Variants in PLA2G4C observed in about 807,000 individuals in gnomAD.
PLA2G4C encodes cytosolic phospholipase A2 gamma.
Under a neutral mutation model 73.8 loss-of-function variants are expected in PLA2G4C, and 64 were observed. The ratio of observed to expected loss-of-function variants is 0.87; its 90% confidence interval spans 0.71 to 1.07. PLA2G4C has a LOEUF of 1.07. PLA2G4C is among the 50% of genes least tolerant of loss of function. PLA2G4C has a pLI of 0.00. For synonymous variants in PLA2G4C, 254 were observed against 252.1 expected, an observed-to-expected ratio of 1.01 and a Z score of -0.07; for missense variants, 622 against 665.4, an observed-to-expected ratio of 0.93 and a Z score of 0.72.
intron 10 of PLA2G4C, among the ~76,000 whole-genome samples, chr19:48,078,915 G>A (rs1600205484): frequency 6.8e-6 from 1 of 147,760 alleles, no homozygotes; most frequent in East Asian, 2.0e-4. Context: ...TGTTGCCCAG[G>A]CTGGAGTGCA....
intron 12 of PLA2G4C, among the ~76,000 whole-genome samples, chr19:48,068,237 A>G (rs1039918096): frequency 7.4e-5 from 11 of 147,696 alleles, no homozygotes; most frequent in Non-Finnish European, 1.5e-4. Context: ...CCTGGGAGGC[A>G]GAGGCTGAAG....
intron 14 of PLA2G4C, among the ~76,000 whole-genome samples, chr19:48,055,274 G>A (rs1967894987): frequency 6.6e-6 from 1 of 151,684 alleles, no homozygotes; most frequent in African/African-American, 2.4e-5. Flanking sequence ...CGAGGTTAGA[G>A]AGTAACCTTT....
At chr19:48,055,308 G>A (rs181825621) in intron 14 of PLA2G4C, among the ~76,000 whole-genome samples, 17 of 151,352 alleles carry the variant, frequency 1.1e-4, no homozygotes, top group Admixed American at 1.1e-3. Flanking sequence ...GCGGGACTCA[G>A]AGGGCAAGGA....
chr19:48,107,811 T>A (rs1262405671), intron 1 of PLA2G4C, among the ~76,000 whole-genome samples: 1 of 152,218 alleles, frequency 6.6e-6, no homozygotes, highest in African/African-American at 2.4e-5. Context: ...AGTAGCAGAA[T>A]TAGTGAAAGT....
chr19:48,088,728 A>G lies in PLA2G4C; in HGVS notation c.764-16T>C. 6.3e-7 allele frequency: 1 copy of G among 1,588,286 alleles called. No individual in the cohort carries two copies. The highest frequency in any genetic ancestry group is 1.1e-5 in the South Asian group (1 of 90,564). On this transcript the variant is annotated splice_polypyrimidine_tract_variant and intron_variant, in intron 8 of 16. Transcript: ENST00000599921. ...CTTAACTGGTCTGCAAAAGAGTAGA[A>G]GCAGGAGGAATGTTTATCTGTACAA...
chr19:48,057,334 C>T (rs771812352), intron 14 of PLA2G4C, among the ~76,000 whole-genome samples: 2 of 151,816 alleles, frequency 1.3e-5, no homozygotes, highest in African/African-American at 2.4e-5. Context: ...GGAGTAATGT[C>T]TTATCCTTTT....
chr19:48,064,039 C>T (rs1171330478), intron 13 of PLA2G4C: 1 of 152,122 alleles, frequency 6.6e-6, no homozygotes, highest in African/African-American at 2.4e-5. Context: ...CAACCACCTC[C>T]TCCTTTTGTT....
chr19:48,057,477 CTTCTTCTTT>C (rs1967990879), intron 14 of PLA2G4C, among the ~76,000 whole-genome samples: 1 of 16,852 alleles, frequency 5.9e-5, no homozygotes, highest in African/African-American at 1.7e-4. Context: ...TCTTCTTCTT[CTTCTTCTTT>C]TTTTTTTTTT....
At chr19:48,108,429 C>A (rs963172268) in intron 1 of PLA2G4C, among the ~76,000 whole-genome samples, 2 of 152,162 alleles carry the variant, frequency 1.3e-5, no homozygotes, top group African/African-American at 2.4e-5. Flanking sequence ...AGCTACCACA[C>A]CCCACTAAAA....
intron 4 of PLA2G4C, chr19:48,104,306 C>A: frequency 2.9e-6 from 1 of 349,846 alleles, no homozygotes; most frequent in Non-Finnish European, 5.3e-6. Flanking sequence ...TGTGGGAAAC[C>A]CCAAACTATT....
chr19:48,098,440 C>T (rs774519162), intron 5 of PLA2G4C, among the ~76,000 whole-genome samples, 181 bp from the exon 6 acceptor site: 3 of 151,794 alleles, frequency 2.0e-5, no homozygotes, highest in Non-Finnish European at 4.4e-5. Context: ...ATCCACCCAC[C>T]TCAACCTCCC....
At chr19:48,088,989 T>A (rs1487122403) in intron 8 of PLA2G4C, among the ~76,000 whole-genome samples, 1 of 152,176 alleles carries the variant, frequency 6.6e-6, no homozygotes, top group African/African-American at 2.4e-5. Flanking sequence ...GTTTTTGTTT[T>A]TTAGAGAGAA....
rs2031792432 is a variant in PLA2G4C, at chr19:48,099,670, C to T, written c.447+1G>A. On this transcript the variant is annotated splice_donor_variant, in intron 5 of 16. Coordinates refer to ENST00000599921, the MANE Select transcript of PLA2G4C (RefSeq NM_003706.3). LOFTEE classifies it high-confidence loss of function. ...CAGGTCCCCAGCTGGGAATGACTTA[C>T]TTCTCTGGTTTGCTTAGAGATAACC... The T allele has an allele frequency of 1.2e-6, 2 of 1,611,254 alleles. No homozygotes were observed. The highest frequency in any genetic ancestry group is 1.7e-6 in the Non-Finnish European group (2 of 1,178,514).
At chr19:48,074,720 T>G in intron 12 of PLA2G4C, 47 bp downstream of exon 12, 1 of 1,296,238 alleles carries the variant, frequency 7.7e-7, no homozygotes, top group Non-Finnish European at 1.1e-6. Flanking sequence ...GGGGAGAAGG[T>G]TGGTGGCACT....
intron 8 of PLA2G4C, 193 bp downstream of exon 8, chr19:48,090,171 C>T (rs1389442107): frequency 3.0e-5 from 17 of 568,100 alleles, no homozygotes; most frequent in Non-Finnish European, 5.0e-5. Flanking sequence ...ACATTCCTTC[C>T]AAGGGAGTCT....
intron 1 of PLA2G4C, among the ~76,000 whole-genome samples, chr19:48,108,336 A>G (rs1712060777): frequency 6.6e-6 from 1 of 151,908 alleles, no homozygotes; most frequent in Non-Finnish European, 1.5e-5. Context: ...AGGTCTCACT[A>G]TGTTGCCCAG....
chr19:48,102,941 C>T (rs1410483862), intron 4 of PLA2G4C, among the ~76,000 whole-genome samples: 2 of 152,012 alleles, frequency 1.3e-5, no homozygotes, highest in East Asian at 1.9e-4. Flanking sequence ...TGCTCAACAG[C>T]GGAGGAAACC....
chr19:48,049,975 G>A (rs1967662064), intron 16 of PLA2G4C, among the ~76,000 whole-genome samples: 1 of 152,210 alleles, frequency 6.6e-6, no homozygotes, highest in Non-Finnish European at 1.5e-5. Flanking sequence ...AGGCTGGAGT[G>A]CAGTGGCATG....
At chr19:48,076,423 T>A (rs1221560497) in intron 11 of PLA2G4C, among the ~76,000 whole-genome samples, 2 of 152,124 alleles carry the variant, frequency 1.3e-5, no homozygotes, top group African/African-American at 4.8e-5. Context: ...CAAGGAGACC[T>A]TGTGCCAAGA....
Sources: gnomAD v4.1 joint callset for allele counts (sites outside exome capture counted in the v4.1 genomes callset) on GRCh38, gnomAD v4.1.1 for gene constraint, MANE v1.5 for transcripts, NCBI Gene and HGNC (gene_info 2026-07-23, HGNC 2026-07-21) for gene names.